The following GREM2 variants were observed in gnomAD, a reference collection of about 807,000 sequenced individuals.
GREM2 encodes gremlin 2, DAN family BMP antagonist, also known as gremlin-2.
In GREM2, 11 loss-of-function variants were observed where a neutral mutation model predicts 14.2. That is an observed-to-expected ratio of 0.78 (90% confidence interval 0.49 to 1.28). GREM2 has a LOEUF of 1.28. GREM2 is among the 50% of genes most tolerant of loss of function. The pLI is 0.00. For missense variants in GREM2, 210 were observed against 218.5 expected, an observed-to-expected ratio of 0.96 and a Z score of 0.24; for synonymous variants, 98 against 97.6, an observed-to-expected ratio of 1.00 and a Z score of -0.02.
intron 1 of GREM2, among the ~76,000 whole-genome samples, chr1:240,579,277 A>G: frequency 6.6e-6 from 1 of 152,226 alleles, no homozygotes; most frequent in East Asian, 1.9e-4. Context: ...GACCCTCCCC[A>G]GAATTGATTA....
chr1:240,543,507 C>T lies in GREM2; in HGVS notation c.-1-50031G>A, dbSNP rs1266026711. Among the ~76,000 whole-genome samples, 2 of 152,106 alleles carry T rather than the reference C, an allele frequency of 1.3e-5. No individual in the cohort carries two copies. Among genetic ancestry groups the T allele is most frequent in the Non-Finnish European group, 2.9e-5 (2 of 68,024 alleles). ...CATGATAACAGTAGGGGGGAAACCG[C>T]CCTTGTGATTCAATTATTTCCACCT... is the stretch of plus-strand genomic sequence containing the variant. On this transcript the variant is annotated intron_variant, in intron 1 of 1. Coordinates refer to ENST00000318160, the MANE Select transcript of GREM2 (RefSeq NM_022469.4). This position sits in a 1 kb window ranked among gnomAD's most constrained non-coding sequence, Gnocchi z 6.4.
At chr1:240,557,292 T>A (rs770363008) in intron 1 of GREM2, among the ~76,000 whole-genome samples, 1 of 151,540 alleles carries the variant, frequency 6.6e-6, no homozygotes, top group Non-Finnish European at 1.5e-5. Context: ...TTAAACAAAA[T>A]AATTAAGGAA....
intron 1 of GREM2, among the ~76,000 whole-genome samples, chr1:240,567,381 G>A (rs537317184): frequency 3.3e-5 from 5 of 151,176 alleles, no homozygotes; most frequent in Admixed American, 6.6e-5. Flanking sequence ...TCACATCAAG[G>A]AACACCATAA....
At position 240,542,546 on chromosome 1, in the gene GREM2, C is replaced by T. The variant is rs534447620; in HGVS notation, c.-1-49070G>A. Among the ~76,000 whole-genome samples, 87 of 151,810 alleles carry T rather than the reference C, an allele frequency of 5.7e-4. No homozygotes were observed. The highest frequency in any genetic ancestry group is 1.7e-3 in the South Asian group (8 of 4,806). Reference sequence around the variant, plus strand: ...AGGAGAATCGCTTGAACCCAGGAGGCGGAGGTTGCAGTGAGCCAAGATTGT... The same window carrying T: ...AGGAGAATCGCTTGAACCCAGGAGGTGGAGGTTGCAGTGAGCCAAGATTGT... On this transcript the variant is annotated intron_variant, in intron 1 of 1. Coordinates refer to ENST00000318160, the MANE Select transcript of GREM2 (RefSeq NM_022469.4). This position sits in a 1 kb window ranked among gnomAD's most constrained non-coding sequence, Gnocchi z 4.1.
Position 240,492,372 on chromosome 1 carries a change from G to T in GREM2, c.*597C>A, listed in dbSNP as rs1572359164. On this transcript the variant is annotated 3_prime_UTR_variant, in exon 2 of 2. Transcript: ENST00000318160. Reference sequence around the variant, plus strand: ...CTTCGGGATCCAAGTGGCTCAAGTTGTCTTCTTGGTATCAGGTTTATTAGG... The same window carrying T: ...CTTCGGGATCCAAGTGGCTCAAGTTTTCTTCTTGGTATCAGGTTTATTAGG... The T allele has an allele frequency of 3.4e-6, 1 of 296,980 alleles. No individual in the cohort carries two copies. The highest frequency in any genetic ancestry group is 7.0e-6 in the Non-Finnish European group (1 of 142,434). The allele number at this position is 296,980 out of a possible 1,614,324, so 18.4% of individuals were successfully genotyped here. A position where few individuals can be genotyped will look rare whatever the true frequency, so the allele number is the denominator to read the frequency against.
intron 1 of GREM2, among the ~76,000 whole-genome samples, chr1:240,541,429 G>A (rs1361527919): frequency 6.6e-6 from 1 of 152,196 alleles, no homozygotes; most frequent in Non-Finnish European, 1.5e-5. Flanking sequence ...ATTCTCCAGT[G>A]CCTGCTGACT....
At position 240,540,602 on chromosome 1, in the gene GREM2, C is replaced by T. The variant is rs1005604907; in HGVS notation, c.-1-47126G>A. ...TTTTTGAGATGGAGTCTCACTCTGT[C>T]GCCAGTTTGGAGTGCAGTGGCACGA... On this transcript the variant is annotated intron_variant, in intron 1 of 1. Coordinates refer to ENST00000318160, the MANE Select transcript of GREM2 (RefSeq NM_022469.4). This position sits in a 1 kb window ranked among gnomAD's most constrained non-coding sequence, Gnocchi z 4.2. Among the ~76,000 whole-genome samples, 10 of 150,130 alleles carry T rather than the reference C, an allele frequency of 6.7e-5. No homozygotes were observed. The highest frequency in any genetic ancestry group is 2.2e-4 in the African/African-American group (9 of 40,628).
chr1:240,596,618 A>G (rs1679822772), intron 1 of GREM2, among the ~76,000 whole-genome samples: 1 of 151,740 alleles, frequency 6.6e-6, no homozygotes. Flanking sequence ...AATTGCTTGA[A>G]CCCAGGAGGC....
At chr1:240,496,301 C>T (rs969595076) in intron 1 of GREM2, among the ~76,000 whole-genome samples, 8 of 152,170 alleles carry the variant, frequency 5.3e-5, no homozygotes, top group African/African-American at 7.2e-5. Flanking sequence ...TCACCAGCCT[C>T]CTCCGTCCTC....
chr1:240,518,325 T>C (rs1447291392), intron 1 of GREM2, among the ~76,000 whole-genome samples: 1 of 152,224 alleles, frequency 6.6e-6, no homozygotes, highest in Non-Finnish European at 1.5e-5. Flanking sequence ...AATAGAGAGA[T>C]GCTTGGCAGA....
intron 1 of GREM2, among the ~76,000 whole-genome samples, chr1:240,501,450 C>T (rs1389107200): frequency 1.3e-5 from 2 of 152,176 alleles, no homozygotes; most frequent in Non-Finnish European, 2.9e-5. Context: ...ATGATACTAT[C>T]ATTACTTACT....
intron 1 of GREM2, chr1:240,530,980 A>G (rs1196083337): frequency 1.3e-5 from 2 of 152,246 alleles, no homozygotes; most frequent in African/African-American, 4.8e-5. Context: ...AAACCATCCT[A>G]TGAAATTTCA....
intron 1 of GREM2, among the ~76,000 whole-genome samples, chr1:240,506,386 T>C (rs1677676771): frequency 6.6e-6 from 1 of 152,194 alleles, no homozygotes; most frequent in East Asian, 1.9e-4. Flanking sequence ...AGTAATTTAA[T>C]TGAAACAAGA....
At chr1:240,571,105 C>G (rs548791910) in intron 1 of GREM2, among the ~76,000 whole-genome samples, 1 of 152,262 alleles carries the variant, frequency 6.6e-6, no homozygotes, top group South Asian at 2.1e-4. Flanking sequence ...TTTTTCATCT[C>G]AAATTCATGC....
chr1:240,497,569 A>G (rs556700821), intron 1 of GREM2, among the ~76,000 whole-genome samples: 1 of 152,166 alleles, frequency 6.6e-6, no homozygotes, highest in East Asian at 1.9e-4. Flanking sequence ...ATATGGGCAA[A>G]AGCAAAGGGT....
chr1:240,574,055 G>C (rs934159285), intron 1 of GREM2, among the ~76,000 whole-genome samples: 5 of 152,064 alleles, frequency 3.3e-5, no homozygotes, highest in Non-Finnish European at 7.4e-5. Context: ...CAAGTAGCTG[G>C]GATTACAGGC....
At chr1:240,568,541 A>G (rs1328510350) in intron 1 of GREM2, among the ~76,000 whole-genome samples, 1 of 152,180 alleles carries the variant, frequency 6.6e-6, no homozygotes, top group African/African-American at 2.4e-5. Flanking sequence ...AGATCTTTCT[A>G]GATTGGATTA....
Position 240,490,081 on chromosome 1 carries a change from C to T in GREM2, c.*2888G>A, listed in dbSNP as rs1677212517. On this transcript the variant is annotated 3_prime_UTR_variant, in exon 2 of 2. Coordinates refer to ENST00000318160, the MANE Select transcript of GREM2 (RefSeq NM_022469.4). ...ATTTAAATTAAGAAATGTTGGAACTCATGAGGAGTAAATGTGAAAATGAAC... is the reference window on the plus strand; with the variant it reads ...ATTTAAATTAAGAAATGTTGGAACTTATGAGGAGTAAATGTGAAAATGAAC... The T allele has an allele frequency of 6.6e-6, 1 of 152,198 alleles. No homozygotes were observed. Among genetic ancestry groups the T allele is most frequent in the Non-Finnish European group, 1.5e-5 (1 of 68,044 alleles). 9.4% of individuals were successfully genotyped at this position (152,198 alleles called of 1,614,324 possible).
rs534891308 is a variant in GREM2, at chr1:240,496,818, T to C, written c.-1-3342A>G. 3.3e-5 allele frequency among the ~76,000 whole-genome samples: 5 copies of C among 152,262 alleles called. No individual in the cohort carries two copies. In the South Asian group the frequency reaches 1.0e-3, roughly 32 times the overall value. ...TGATGTCAGGAGTTTGAGACCAGCCTGGCCAAAATGGTGAAACCCCGTCTC... is the reference window on the plus strand; with the variant it reads ...TGATGTCAGGAGTTTGAGACCAGCCCGGCCAAAATGGTGAAACCCCGTCTC... On this transcript the variant is annotated intron_variant, in intron 1 of 1. Coordinates refer to ENST00000318160, the MANE Select transcript of GREM2 (RefSeq NM_022469.4).
Sources: allele counts gnomAD v4.1 joint callset (sites outside exome capture counted in the v4.1 genomes callset), GRCh38; gene constraint gnomAD v4.1.1; non-coding constraint Gnocchi (gnomAD v3.1); transcripts MANE v1.5; gene names NCBI Gene and HGNC (gene_info 2026-07-23, HGNC 2026-07-21).